Variants in ITPRID1 observed in about 807,000 individuals in gnomAD.
ITPRID1 encodes the protein ITPR interacting domain containing 1, also known as protein ITPRID1.
A neutral mutation model predicts 95.4 loss-of-function variants in ITPRID1; 96 were observed. The observed-to-expected ratio is 1.01, with a 90% CI of 0.85 to 1.19. ITPRID1 has a LOEUF of 1.19. Ranked by LOEUF, ITPRID1 falls within the 50% of genes most tolerant of loss-of-function variation. ITPRID1 has a pLI of 0.00. For missense variants in ITPRID1, 1,339 were observed against 1,252.9 expected, an observed-to-expected ratio of 1.07 and a Z score of -1.04; for synonymous variants, 510 against 453.6, an observed-to-expected ratio of 1.12 and a Z score of -1.58.
At chr7:31,544,452 G>T (rs945378560) in intron 1 of ITPRID1, among the ~76,000 whole-genome samples, 7 of 152,040 alleles carry the variant, frequency 4.6e-5, no homozygotes, top group Non-Finnish European at 7.4e-5. Flanking sequence ...TGCTGTAAAG[G>T]TTCACATGTA....
chr7:31,643,277 C>G lies in ITPRID1; in HGVS notation c.1907C>G (p.Pro636Arg). The G allele has an allele frequency of 6.2e-7, 1 of 1,613,776 alleles. No homozygotes were observed. Among genetic ancestry groups the G allele is most frequent in the Non-Finnish European group, 8.5e-7 (1 of 1,179,862 alleles). The part of the protein sequence containing the change: ...CPHTNHSLLV[P>R]ESSSQCIPKH... ...CACACCAACCACAGCTTACTCGTAC[C>G]AGAAAGCTCATCACAGTGTATCCCC... is the stretch of plus-strand genomic sequence containing the variant. The change falls in exon 12 of 15, where the codon CCA (proline) becomes CGA (arginine). Residue 636 changes from proline to arginine, a missense_variant. Coordinates refer to ENST00000615280, the MANE Select transcript of ITPRID1 (RefSeq NM_001257967.3).
chr7:31,592,803 A>G (rs7809139), intron 10 of ITPRID1, among the ~76,000 whole-genome samples: 1 of 152,200 alleles, frequency 6.6e-6, no homozygotes, highest in Non-Finnish European at 1.5e-5. Flanking sequence ...ACACTGCTCT[A>G]TACTAATAAA....
chr7:31,549,151 C>T (rs1784199843), intron 1 of ITPRID1, among the ~76,000 whole-genome samples: 1 of 152,224 alleles, frequency 6.6e-6, no homozygotes, highest in African/African-American at 2.4e-5. Flanking sequence ...GTGGCCAAGG[C>T]TGGAGCTACA....
At chr7:31,519,881 TA>T (rs1456007212) in intron 1 of ITPRID1, among the ~76,000 whole-genome samples, 1 of 151,906 alleles carries the variant, frequency 6.6e-6, no homozygotes, top group African/African-American at 2.4e-5. Flanking sequence ...TACATGTGTT[TA>T]TAATCAATGA....
chr7:31,626,607 C>T (rs1788489030), intron 10 of ITPRID1, among the ~76,000 whole-genome samples: 1 of 152,100 alleles, frequency 6.6e-6, no homozygotes, highest in Non-Finnish European at 1.5e-5. Flanking sequence ...TAGTTTTTAG[C>T]ATTTGAATCA....
chr7:31,566,361 A>G (rs555925447), intron 5 of ITPRID1, among the ~76,000 whole-genome samples: 4 of 152,348 alleles, frequency 2.6e-5, no homozygotes, highest in African/African-American at 9.6e-5. Flanking sequence ...ATTCTAGGAA[A>G]CCCAGAGCAA....
intron 1 of ITPRID1, among the ~76,000 whole-genome samples, chr7:31,526,825 C>T (rs1726944276): frequency 6.6e-6 from 1 of 152,082 alleles, no homozygotes; most frequent in Non-Finnish European, 1.5e-5. Context: ...AATATCTTAC[C>T]TGGTCCCCAG....
intron 10 of ITPRID1, among the ~76,000 whole-genome samples, chr7:31,628,817 A>T (rs38372): frequency 2.0e-5 from 3 of 152,176 alleles, no homozygotes; most frequent in Non-Finnish European, 4.4e-5. Context: ...ATGTGAGGAA[A>T]TGGGCTGCCT....
intron 1 of ITPRID1, among the ~76,000 whole-genome samples, chr7:31,522,186 C>G (rs757475259): frequency 6.6e-6 from 1 of 152,116 alleles, no homozygotes; most frequent in Non-Finnish European, 1.5e-5. Context: ...CCCTATAGAT[C>G]CAGCCAATGG....
intron 5 of ITPRID1, among the ~76,000 whole-genome samples, chr7:31,568,621 C>T (rs939180098): frequency 5.3e-5 from 8 of 152,144 alleles, no homozygotes; most frequent in Admixed American, 5.2e-4. Flanking sequence ...CATTTTATAT[C>T]ATGATACAGG....
chr7:31,620,092 C>T (rs1787689259), intron 10 of ITPRID1, among the ~76,000 whole-genome samples: 1 of 152,188 alleles, frequency 6.6e-6, no homozygotes, highest in African/African-American at 2.4e-5. Context: ...ATTAGGTAAA[C>T]AAAGCAGCCG....
intron 1 of ITPRID1, among the ~76,000 whole-genome samples, chr7:31,519,790 T>A (rs1319823332): frequency 1.3e-5 from 2 of 151,532 alleles, no homozygotes; most frequent in Non-Finnish European, 2.9e-5. Flanking sequence ...ATTTTAATTT[T>A]TTAATAGTTT....
Position 31,525,412 on chromosome 7 carries a change from C to T in ITPRID1, c.-98+11292C>T, listed in dbSNP as rs564250860. Reference sequence around the variant, plus strand: ...ACTAGTAGCATTCTCCACCCCATTGCGACAATCAAAAATGTCTCTAGACAT... The same window carrying T: ...ACTAGTAGCATTCTCCACCCCATTGTGACAATCAAAAATGTCTCTAGACAT... On this transcript the variant is annotated intron_variant, in intron 1 of 14. Transcript: ENST00000615280. 6.6e-5 allele frequency among the ~76,000 whole-genome samples: 10 copies of T among 152,258 alleles called. 1 individual carries two copies. Among genetic ancestry groups the T allele is most frequent in the African/African-American group, 1.4e-4 (6 of 41,532 alleles).
intron 10 of ITPRID1, among the ~76,000 whole-genome samples, chr7:31,614,976 C>T (rs1212023230): frequency 6.6e-6 from 1 of 152,112 alleles, no homozygotes; most frequent in Non-Finnish European, 1.5e-5. Context: ...CACCATTAGC[C>T]AAGGGATTAA....
rs1784400984 is a variant in ITPRID1 at position 31,554,953 on chromosome 7, C to G, written c.256+52C>G. On this transcript the variant is annotated intron_variant, in intron 5 of 14. Transcript: ENST00000615280. ...TGGGAAGCTGAGTAGGAGATATATT[C>G]AAATATCTACGTGAATAAATCTTCT... 12 of 1,242,628 alleles carry G rather than the reference C, an allele frequency of 9.7e-6. No homozygotes were observed. The East Asian group carries it at 1.0e-4, about 10-fold the overall frequency. The allele number at this position is 1,242,628 out of a possible 1,614,324, so 77.0% of individuals were successfully genotyped here.
intron 12 of ITPRID1, among the ~76,000 whole-genome samples, chr7:31,644,170 G>T (rs1790266869): frequency 1.3e-5 from 2 of 152,150 alleles, no homozygotes; most frequent in South Asian, 4.1e-4. Context: ...AATAAGCAAA[G>T]CAAATTTTAT....
intron 10 of ITPRID1, among the ~76,000 whole-genome samples, chr7:31,636,026 G>T (rs904162797): frequency 6.6e-6 from 1 of 152,164 alleles, no homozygotes; most frequent in Admixed American, 6.5e-5. Flanking sequence ...ACGGCAGAAG[G>T]CACTTTTTCA....
At chr7:31,577,420 G>T (rs549164906) in intron 8 of ITPRID1, among the ~76,000 whole-genome samples, 1 of 152,250 alleles carries the variant, frequency 6.6e-6, no homozygotes, top group Admixed American at 6.5e-5. Context: ...CACACTATCA[G>T]GTGACAGTAT....
chr7:31,517,142 T>G (rs958148083), intron 1 of ITPRID1, among the ~76,000 whole-genome samples: 2 of 152,198 alleles, frequency 1.3e-5, no homozygotes, highest in Admixed American at 6.5e-5. Flanking sequence ...AGGTTTTGGT[T>G]CGGGTGGCCT....
Sources: gnomAD v4.1 joint callset for allele counts (sites outside exome capture counted in the v4.1 genomes callset) on GRCh38, gnomAD v4.1.1 for gene constraint, MANE v1.5 for transcripts, NCBI Gene and HGNC (gene_info 2026-07-23, HGNC 2026-07-21) for gene names.